Variants in ALDH3A2 observed in about 807,000 individuals in gnomAD.
The protein encoded by ALDH3A2 is aldehyde dehydrogenase 3 family member A2.
ALDH3A2 carries 36 observed loss-of-function variants against 51.3 expected under a neutral mutation model. The observed-to-expected ratio is 0.70, with a 90% CI of 0.54 to 0.93. The LOEUF is 0.93. Among genes scored for constraint, ALDH3A2 ranks in the 40% least tolerant of loss-of-function variants. ALDH3A2 has a pLI of 0.00. For synonymous variants in ALDH3A2, 199 were observed against 219.8 expected (o/e 0.91, Z 0.84); for missense variants, 552 against 603.1 (o/e 0.92, Z 0.89).
Position 19,656,408 on chromosome 17 carries a change from G to C in ALDH3A2, c.514G>C (p.Glu172Gln). 6.2e-7 allele frequency: 1 copy of C among 1,614,142 alleles called. No homozygotes were observed. The highest frequency in any genetic ancestry group is 1.1e-5 in the South Asian group (1 of 91,072). ...VINGGVEETT[E>Q]LLKQRFDHIF... The stretch of plus-strand genomic sequence containing the variant: ...TAATGGTGGTGTTGAGGAAACCACG[G>C]AGCTCCTGAAGCAGCGATTTGACCA... Residue 172 changes from glutamate (E) to glutamine (Q), a missense_variant, in exon 4 of 10, where the codon GAG becomes CAG. Transcript: ENST00000176643.
At chr17:19,648,414 G>A (rs143778736), upstream of ALDH3A2, 392 of 154,442 alleles carry the variant, frequency 2.5e-3, no homozygotes, top group Non-Finnish European at 4.4e-3. Context: ...GCGTGCCAGA[G>A]CGGAGACTGC....
chr17:19,664,895 G>A, intron 7 of ALDH3A2, 53 bp from the exon 8 acceptor site: 2 of 1,289,388 alleles, frequency 1.6e-6, no homozygotes, highest in Non-Finnish European at 2.3e-6. Context: ...GGGGCCATGA[G>A]TGTTCCCTAA....
Position 19,654,502 on chromosome 17 carries a change from G to A in ALDH3A2, c.472-1864G>A, listed in dbSNP as rs1044392880. ...GGCCCGGCGAGAATTCGAGTGTGGC[G>A]CTGGTGGGCTGGCATTGCTGGGGGA... On this transcript the variant is annotated intron_variant, in intron 3 of 9. Coordinates refer to ENST00000176643, the MANE Select transcript of ALDH3A2 (RefSeq NM_000382.3). The surrounding 1 kb of genome is among the most constrained non-coding windows in gnomAD (Gnocchi z 4.5). 2.0e-5 allele frequency among the ~76,000 whole-genome samples: 3 copies of A among 152,144 alleles called. No individual in the cohort carries two copies. The highest frequency in any genetic ancestry group is 7.2e-5 in the African/African-American group (3 of 41,444).
intron 8 of ALDH3A2, among the ~76,000 whole-genome samples, chr17:19,668,719 C>G (rs1240689803): frequency 8.0e-6 from 1 of 125,732 alleles, no homozygotes; most frequent in Non-Finnish European, 1.7e-5. Context: ...GGTGAAACCC[C>G]GTCTCTACTA....
intron 5 of ALDH3A2, among the ~76,000 whole-genome samples, chr17:19,660,722 G>A (rs978865757): frequency 7.2e-5 from 11 of 152,224 alleles, no homozygotes; most frequent in African/African-American, 2.7e-4. Context: ...TAGGGTCTCT[G>A]CTGTAACTAC....
rs1878654678 is a variant in ALDH3A2 at position 19,675,682 on chromosome 17, A to G, written c.*110A>G. On this transcript the variant is annotated 3_prime_UTR_variant, in exon 10 of 10. Transcript: ENST00000176643. The stretch of plus-strand genomic sequence containing the variant: ...ACCAAAAATAGTAAGAAAATATGCA[A>G]ACACTCTGTGATCAAACTTAAAAGT... 3 of 1,238,470 alleles carry G rather than the reference A, an allele frequency of 2.4e-6. No homozygotes were observed. Among genetic ancestry groups the G allele is most frequent in the Non-Finnish European group, 3.6e-6 (3 of 841,006 alleles). The allele number at this position is 1,238,470 out of a possible 1,614,324, so 76.7% of individuals were successfully genotyped here. A position where few individuals can be genotyped will look rare whatever the true frequency, so the allele number is the denominator to read the frequency against.
chr17:19,654,667 C>T lies in ALDH3A2; in HGVS notation c.472-1699C>T, dbSNP rs530783891. On this transcript the variant is annotated intron_variant, in intron 3 of 9. Coordinates refer to ENST00000176643, the MANE Select transcript of ALDH3A2 (RefSeq NM_000382.3). The surrounding 1 kb of genome is among the most constrained non-coding windows in gnomAD (Gnocchi z 4.5). ...AACTCGCTCTGGCTTGTGAGCGCCA[C>T]GCGCAGCCCCGGTTCCTGCCTGCGC... Among the ~76,000 whole-genome samples, 23 of 152,128 alleles carry T rather than the reference C, an allele frequency of 1.5e-4. No individual in the cohort carries two copies. Among genetic ancestry groups the T allele is most frequent in the Admixed American group, 3.9e-4 (6 of 15,290 alleles).
At chr17:19,673,338 G>GT (rs1473475047) in intron 9 of ALDH3A2, 6 of 1,508,184 alleles carry the variant, frequency 4.0e-6, no homozygotes, top group African/African-American at 3.2e-5. Flanking sequence ...GTTTTCAAGG[G>GT]TTTTTTGGTT....
rs913331716 is a variant in ALDH3A2 at position 19,676,754 on chromosome 17, G to C, written c.*1182G>C. On this transcript the variant is annotated 3_prime_UTR_variant, in exon 10 of 10. Coordinates refer to ENST00000176643, the MANE Select transcript of ALDH3A2 (RefSeq NM_000382.3). ...TTAGTAGGTCTTCAAGGACAAATCT[G>C]TAAGTTTCTTATTTCTGTAGTGCAA... 2.0e-5 allele frequency: 3 copies of C among 152,200 alleles called. No individual in the cohort carries two copies. Among genetic ancestry groups the C allele is most frequent in the Non-Finnish European group, 4.4e-5 (3 of 68,032 alleles). The allele number at this position is 152,200 out of a possible 1,614,324, so 9.4% of individuals were successfully genotyped here.
intron 9 of ALDH3A2, among the ~76,000 whole-genome samples, chr17:19,672,912 G>A (rs1190073409): frequency 5.9e-5 from 9 of 152,034 alleles, no homozygotes; most frequent in Admixed American, 4.6e-4. Flanking sequence ...ATGGTGGCAC[G>A]CACCTGTAGT....
chr17:19,661,231 T>G lies in ALDH3A2; in HGVS notation c.903T>G (p.Ala301=). Residue 301 remains alanine, a synonymous_variant, in exon 6 of 10, where the codon GCT becomes GCG. Coordinates refer to ENST00000176643, the MANE Select transcript of ALDH3A2 (RefSeq NM_000382.3). ...GTTTGCTTGAAGGACAAAAGATAGCTTTTGGTGGGGAGACTGATGAGGCCA... is the reference window on the plus strand; with the variant it reads ...GTTTGCTTGAAGGACAAAAGATAGCGTTTGGTGGGGAGACTGATGAGGCCA... ...ILSLLEGQKI[A]FGGETDEATR... 2 of 1,614,138 alleles carry G rather than the reference T, an allele frequency of 1.2e-6. No individual in the cohort carries two copies. Among genetic ancestry groups the G allele is most frequent in the South Asian group, 2.2e-5 (2 of 91,080 alleles).
At chr17:19,665,181 G>A (rs1035420819) in intron 8 of ALDH3A2, 134 bp downstream of exon 8, 2 of 788,618 alleles carry the variant, frequency 2.5e-6, no homozygotes, top group Non-Finnish European at 4.3e-6. Context: ...ACCTTTTCCT[G>A]GTCACCCAGT....
rs1177135997 is a variant in ALDH3A2, at chr17:19,652,879, TTTGTC to T, written c.471+249_471+253del. Among the ~76,000 whole-genome samples, 6 of 150,444 alleles carry T rather than the reference TTTGTC, an allele frequency of 4.0e-5. No individual in the cohort carries two copies. In the South Asian group the frequency reaches 1.3e-3, roughly 32 times the overall value. On this transcript the variant is annotated intron_variant, in intron 3 of 9. Transcript: ENST00000176643. Reference sequence around the variant, plus strand: ...GGCTTCATGCCAAACAGATTCTGTGTTTGTCTGGGATTTGGGGTTAATTTTTGAGC... The same window carrying T: ...GGCTTCATGCCAAACAGATTCTGTGTTGGGATTTGGGGTTAATTTTTGAGC...
chr17:19,657,408 T>C (rs984708558), intron 4 of ALDH3A2, among the ~76,000 whole-genome samples: 1 of 152,214 alleles, frequency 6.6e-6, no homozygotes, highest in Non-Finnish European at 1.5e-5. Context: ...CATCCAGGAC[T>C]TTCCTTTGGC....
upstream of ALDH3A2, chr17:19,648,663 A>T: frequency 2.2e-6 from 1 of 445,118 alleles, no homozygotes; most frequent in Non-Finnish European, 4.1e-6. Context: ...AGCCGGGGAG[A>T]GGGCGGGGGC....
chr17:19,651,627 G>C lies in ALDH3A2; in HGVS notation c.234G>C (p.Trp78Cys), dbSNP rs759874793. The change falls in exon 2 of 10, where the codon TGG becomes TGC. Residue 78 changes from tryptophan (W) to cysteine (C), a missense_variant. Physicochemically the swap from Trp to Cys is radical, Grantham distance 215. Transcript: ENST00000176643. ...TTATGCTTGAGAATCTTCCTGAATG[G>C]GTTACTGCTAAACCAGTTAAGAAGA... ...IDFMLENLPE[W>C]VTAKPVKKNV... 1.2e-6 allele frequency: 2 copies of C among 1,614,054 alleles called. No homozygotes were observed. The highest frequency in any genetic ancestry group is 1.7e-6 in the Non-Finnish European group (2 of 1,180,044).
chr17:19,662,953 C>T (rs887834220), intron 6 of ALDH3A2, among the ~76,000 whole-genome samples: 26 of 151,806 alleles, frequency 1.7e-4, no homozygotes, highest in African/African-American at 6.3e-4. Flanking sequence ...TGCAGTGAGC[C>T]GAGATGGCAC....
chr17:19,651,431 A>G, intron 1 of ALDH3A2, 116 bp from the exon 2 acceptor site: 1 of 869,250 alleles, frequency 1.2e-6, no homozygotes, highest in South Asian at 1.4e-5. Context: ...GCAAACAGCT[A>G]GTCTGATAAT....
At position 19,657,840 on chromosome 17, in the gene ALDH3A2, G is replaced by A. The variant is rs369385931; in HGVS notation, c.776G>A (p.Trp259Ter). 6.2e-7 allele frequency: 1 copy of A among 1,607,538 alleles called. No individual in the cohort carries two copies. The highest frequency in any genetic ancestry group is 8.5e-7 in the Non-Finnish European group (1 of 1,174,192). ...GCATCCCTCCAAAATCAAATTGTAT[G>A]GAAGATTAAGGAAACAGTGAAGGTT... is the stretch of plus-strand genomic sequence containing the variant. ...CEASLQNQIV[W>*]KIKETVKEFY... Residue 259 changes from tryptophan (W) to a stop codon, truncating the protein, a stop_gained, in exon 5 of 10, where the codon TGG (tryptophan) becomes TAG (stop). Transcript: ENST00000176643. LOFTEE classifies it high-confidence loss of function.
Sources: allele counts gnomAD v4.1 joint callset (sites outside exome capture counted in the v4.1 genomes callset), GRCh38; gene constraint gnomAD v4.1.1; non-coding constraint Gnocchi (gnomAD v3.1); transcripts MANE v1.5; gene names NCBI Gene and HGNC (gene_info 2026-07-23, HGNC 2026-07-21).